POLR3F: variants seen among roughly 807,000 people sequenced by gnomAD.
POLR3F encodes the protein RNA polymerase III subunit F, also known as DNA-directed RNA polymerase III subunit RPC6.
Under a neutral mutation model 43.6 loss-of-function variants are expected in POLR3F, and 31 were observed. That is an observed-to-expected ratio of 0.71 (90% CI 0.53 to 0.96). The LOEUF (loss-of-function observed/expected upper bound fraction) is 0.96. POLR3F is among the 40% of genes least tolerant of loss of function. The pLI is 0.00. For synonymous variants in POLR3F, 114 were observed against 132.5 expected, an observed-to-expected ratio of 0.86 and a Z score of 0.96; for missense variants, 316 against 391.7, an observed-to-expected ratio of 0.81 and a Z score of 1.63.
rs747620839 is a variant in POLR3F, at chr20:18,469,079, A to G, written c.180+18A>G. The G allele has an allele frequency of 5.7e-6, 6 of 1,049,970 alleles. No homozygotes were observed. The South Asian group carries it at 6.3e-5, about 11-fold the overall frequency. The allele number at this position is 1,049,970 out of a possible 1,614,324, so 65.0% of individuals were successfully genotyped here. A position where few individuals can be genotyped will look rare whatever the true frequency, so the allele number is the denominator to read the frequency against. On this transcript the variant is annotated intron_variant, in intron 2 of 8. Coordinates refer to ENST00000377603, the MANE Select transcript of POLR3F (RefSeq NM_006466.4). ...TGTCTATGGTAAGGTGAATCTAACT[A>G]TTTTGCATAATTACTGATATGCTGA...
chr20:18,479,034 A>C (rs910685403), intron 5 of POLR3F, among the ~76,000 whole-genome samples: 2 of 151,960 alleles, frequency 1.3e-5, no homozygotes, highest in African/African-American at 2.4e-5. Context: ...AATCCCAGCT[A>C]CTCGGGAGGC....
At position 18,472,768 on chromosome 20, in the gene POLR3F, C is replaced by A. The variant is rs997293418; in HGVS notation, c.181-74C>A. ...GAAAAATTAAGAATGTTAAAGAATGCATCAACATTTGTCATTTGATTTAAC... is the reference window on the plus strand; with the variant it reads ...GAAAAATTAAGAATGTTAAAGAATGAATCAACATTTGTCATTTGATTTAAC... On this transcript the variant is annotated intron_variant, in intron 2 of 8. Coordinates refer to ENST00000377603, the MANE Select transcript of POLR3F (RefSeq NM_006466.4). 11 of 702,564 alleles carry A rather than the reference C, an allele frequency of 1.6e-5. No homozygotes were observed. The African/African-American group carries it at 2.0e-4, about 13-fold the overall frequency. 43.5% of individuals were successfully genotyped at this position (702,564 alleles called of 1,614,324 possible). A position where few individuals can be genotyped will look rare whatever the true frequency, so the allele number is the denominator to read the frequency against.
Position 18,483,863 on chromosome 20 carries a change from C to G in POLR3F, c.*305C>G, listed in dbSNP as rs2059823652. On this transcript the variant is annotated 3_prime_UTR_variant, in exon 9 of 9. Transcript: ENST00000377603. ...GATGGGTCAAGGAAAAAGATGCCAA[C>G]ATACCCGTATTTACCAAGTACTATG... 2 of 393,522 alleles carry G rather than the reference C, an allele frequency of 5.1e-6. No individual in the cohort carries two copies. Among genetic ancestry groups the G allele is most frequent in the Non-Finnish European group, 8.9e-6 (2 of 224,090 alleles). The allele number at this position is 393,522 out of a possible 1,614,324, so 24.4% of individuals were successfully genotyped here.
intron 5 of POLR3F, 148 bp from the exon 6 acceptor site, chr20:18,479,890 A>G (rs2059800887): frequency 1.9e-6 from 1 of 522,450 alleles, no homozygotes. Context: ...GATGTTAAAA[A>G]TAGGGGAAAC....
chr20:18,481,293 G>A (rs1750998466), intron 7 of POLR3F, among the ~76,000 whole-genome samples: 1 of 152,186 alleles, frequency 6.6e-6, no homozygotes, highest in Non-Finnish European at 1.5e-5. Flanking sequence ...CCAGGCTGGA[G>A]TACAGTAGTG....
At chr20:18,468,910 C>T (rs1264207148) in intron 1 of POLR3F, 34 bp from the exon 2 acceptor site, 2 of 987,820 alleles carry the variant, frequency 2.0e-6, no homozygotes, top group South Asian at 2.5e-5. Context: ...AAACAGGTAA[C>T]CATGAAGGAT....
intron 2 of POLR3F, among the ~76,000 whole-genome samples, chr20:18,472,444 A>T (rs1243173394): frequency 6.6e-6 from 1 of 152,138 alleles, no homozygotes; most frequent in Non-Finnish European, 1.5e-5. Context: ...TTGACCTCCC[A>T]AAGTGCTGAG....
At chr20:18,472,537 C>T (rs1254336588) in intron 2 of POLR3F, among the ~76,000 whole-genome samples, 1 of 151,334 alleles carries the variant, frequency 6.6e-6, no homozygotes, top group African/African-American at 2.4e-5. Context: ...CCTATTTAGT[C>T]TTTATTTCAA....
At position 18,480,040 on chromosome 20, in the gene POLR3F, C is replaced by T; in HGVS notation, c.432C>T (p.Ala144=). The part of the protein sequence containing the change: ...KLIKAVKSVA[A]SKKKVYMLYN... ...GAACTGTGCATGTTCTTTCCTAGGC[C>T]TCAAAAAAGAAGGTGTATATGCTCT... Residue 144 remains alanine, a splice_region_variant and synonymous_variant, in exon 6 of 9, where the codon GCC becomes GCT. Transcript: ENST00000377603. The T allele has an allele frequency of 6.3e-7, 1 of 1,597,234 alleles. No homozygotes were observed.
At chr20:18,470,276 T>C (rs1568577016) in intron 2 of POLR3F, among the ~76,000 whole-genome samples, 1 of 152,230 alleles carries the variant, frequency 6.6e-6, no homozygotes, top group Non-Finnish European at 1.5e-5. Flanking sequence ...GCTCTGGATG[T>C]GGAGATTTGG....
intron 1 of POLR3F, 174 bp downstream of exon 1, chr20:18,467,742 C>G (rs1200511321): frequency 2.9e-6 from 4 of 1,360,562 alleles, no homozygotes; most frequent in Non-Finnish European, 2.9e-6. Context: ...GAGAGCAGAA[C>G]TCAAGAAGTT....
chr20:18,475,944 A>T (rs962332584), intron 5 of POLR3F, among the ~76,000 whole-genome samples: 1 of 152,198 alleles, frequency 6.6e-6, no homozygotes, highest in African/African-American at 2.4e-5. Flanking sequence ...TCAGAATAGC[A>T]TTTCCCTTCC....
In POLR3F at chr20:18,469,019, A is replaced by AG; in HGVS notation, c.139dup (p.Ala47GlyfsTer10). The AG allele has an allele frequency of 6.3e-7, 1 of 1,595,564 alleles. No homozygotes were observed. The highest frequency in any genetic ancestry group is 8.6e-7 in the Non-Finnish European group (1 of 1,163,016). On this transcript the variant is annotated frameshift_variant, in exon 2 of 9. Coordinates refer to ENST00000377603, the MANE Select transcript of POLR3F (RefSeq NM_006466.4). LOFTEE classifies it high-confidence loss of function. ...TTCAGAATGAAATGCCTCATATAGA[A>AG]GCCCAGCAGCGGGCAGTAGCCATCA...
chr20:18,475,032 A>T (rs759956620), intron 4 of POLR3F, 43 bp from the exon 5 acceptor site: 7 of 824,796 alleles, frequency 8.5e-6, no homozygotes, highest in East Asian at 2.5e-5. Flanking sequence ...TTAAAAATCC[A>T]TGAAAACCAG....
chr20:18,469,099 T>C (rs1283116578), intron 2 of POLR3F, 38 bp downstream of exon 2: 3 of 894,302 alleles, frequency 3.4e-6, no homozygotes, highest in South Asian at 1.3e-5. Context: ...ATTACTGATA[T>C]GCTGATTATC....
Position 18,478,813 on chromosome 20 carries a change from G to A in POLR3F, c.430-1225G>A, listed in dbSNP as rs186527905. Among the ~76,000 whole-genome samples the A allele has an allele frequency of 7.3e-3, 1,105 of 152,226 alleles. 5 individuals carry two copies. The highest frequency in any genetic ancestry group is 0.012 in the South Asian group (57 of 4,814). The stretch of plus-strand genomic sequence containing the variant: ...AATGAACACATCTAGTGCCCAAGTC[G>A]TGGTTTCTATCATGCAATAAAATGA... On this transcript the variant is annotated intron_variant, in intron 5 of 8. Transcript: ENST00000377603.
intron 5 of POLR3F, among the ~76,000 whole-genome samples, chr20:18,475,697 C>A (rs188156029): frequency 6.6e-6 from 1 of 152,296 alleles, no homozygotes. Context: ...ATTTAGACAT[C>A]AGAGGAACTG....
chr20:18,468,802 G>C, intron 1 of POLR3F, 142 bp from the exon 2 acceptor site: 1 of 602,820 alleles, frequency 1.7e-6, no homozygotes, highest in Non-Finnish European at 3.0e-6. Flanking sequence ...AACATGCTTT[G>C]ATCCAAAACC....
At chr20:18,481,202 A>C (rs771994294) in intron 7 of POLR3F, among the ~76,000 whole-genome samples, 5 of 151,874 alleles carry the variant, frequency 3.3e-5, no homozygotes, top group Admixed American at 6.6e-5. Context: ...CCCCAGCATA[A>C]TGTTTCTCCC....
Sources: allele counts gnomAD v4.1 joint callset (sites outside exome capture counted in the v4.1 genomes callset), GRCh38; gene constraint gnomAD v4.1.1; transcripts MANE v1.5; gene names NCBI Gene and HGNC (gene_info 2026-07-23, HGNC 2026-07-21).